LRRC7: variants seen among roughly 807,000 people sequenced by gnomAD.
The protein encoded by LRRC7 is leucine rich repeat containing 7, also known as leucine-rich repeat-containing protein 7.
In LRRC7, 23 loss-of-function variants were observed where a neutral mutation model predicts 175.7. That is an observed-to-expected ratio of 0.13 (90% CI 0.09 to 0.19). The LOEUF is 0.19. Ranked by LOEUF, LRRC7 falls within the 10% of genes least tolerant of loss-of-function variation. LRRC7 has a pLI of 1.00. For synonymous variants in LRRC7, 685 were observed against 680.9 expected, an observed-to-expected ratio of 1.01 and a Z score of -0.09; for missense variants, 1,354 against 1,904.7, an observed-to-expected ratio of 0.71 and a Z score of 5.38.
chr1:69,699,499 C>T (rs1358106742), intron 2 of LRRC7, among the ~76,000 whole-genome samples: 3 of 151,514 alleles, frequency 2.0e-5, no homozygotes, highest in African/African-American at 7.3e-5. Context: ...AAGATTGTGC[C>T]ACTGTACTCC....
intron 1 of LRRC7, chr1:69,607,450 A>G (rs1221051415): frequency 6.6e-6 from 1 of 152,034 alleles, no homozygotes; most frequent in East Asian, 1.9e-4. Flanking sequence ...AGTTTTTTTA[A>G]TTTTCATTTT....
At chr1:69,849,342 A>G (rs1253485462) in intron 7 of LRRC7, among the ~76,000 whole-genome samples, 1 of 152,140 alleles carries the variant, frequency 6.6e-6, no homozygotes, top group South Asian at 2.1e-4. Flanking sequence ...TTTTAATTAT[A>G]GTAAAAAGTC....
intron 3 of LRRC7, among the ~76,000 whole-genome samples, chr1:69,762,533 G>A (rs2100948183): frequency 6.6e-6 from 1 of 152,032 alleles, no homozygotes; most frequent in African/African-American, 2.4e-5. Flanking sequence ...AGAGTTGAAG[G>A]GAGCAGAGTT....
intron 1 of LRRC7, among the ~76,000 whole-genome samples, chr1:69,635,836 A>T (rs183421979): frequency 7.9e-5 from 12 of 152,058 alleles, no homozygotes; most frequent in Admixed American, 2.6e-4. Flanking sequence ...ATGTTTTTTT[A>T]AAAAAATAGT....
At chr1:69,953,851 G>T (rs1003324177) in intron 8 of LRRC7, among the ~76,000 whole-genome samples, 2 of 152,020 alleles carry the variant, frequency 1.3e-5, no homozygotes, top group African/African-American at 4.8e-5. Context: ...TTCTGTTTCA[G>T]TGAGTTTGGT....
intron 25 of LRRC7, among the ~76,000 whole-genome samples, chr1:70,093,718 A>G (rs968456015): frequency 1.4e-4 from 21 of 152,292 alleles, no homozygotes; most frequent in African/African-American, 4.8e-4. Flanking sequence ...TACAGAGAAG[A>G]TTGCTAAGCA....
intron 4 of LRRC7, among the ~76,000 whole-genome samples, chr1:69,825,302 C>T (rs1245339539): frequency 6.6e-6 from 1 of 152,172 alleles, no homozygotes; most frequent in African/African-American, 2.4e-5. Flanking sequence ...GTATTTTTCA[C>T]ATGTATAAGT....
At chr1:69,672,195 T>G (rs1344804826) in intron 1 of LRRC7, among the ~76,000 whole-genome samples, 1 of 152,130 alleles carries the variant, frequency 6.6e-6, no homozygotes, top group Non-Finnish European at 1.5e-5. Flanking sequence ...GGTGGGGTGG[T>G]GATGATCGGT....
chr1:69,731,105 T>C (rs1278524634), intron 2 of LRRC7, among the ~76,000 whole-genome samples: 1 of 151,800 alleles, frequency 6.6e-6, no homozygotes, highest in African/African-American at 2.4e-5. Flanking sequence ...ATAGAGACCA[T>C]CTTATGCTAA....
At chr1:69,866,220 TA>T (rs1455834345) in intron 7 of LRRC7, among the ~76,000 whole-genome samples, 2 of 152,164 alleles carry the variant, frequency 1.3e-5, no homozygotes, top group Non-Finnish European at 2.9e-5. Flanking sequence ...AAAACAATAA[TA>T]GATGGTGAAA....
Position 69,792,077 on chromosome 1 carries a change from G to T in LRRC7, c.338G>T (p.Ser113Ile), listed in dbSNP as rs1222862261. 6.2e-7 allele frequency: 1 copy of T among 1,610,192 alleles called. No homozygotes were observed. Among genetic ancestry groups the T allele is most frequent in the East Asian group, 2.2e-5 (1 of 44,696 alleles). Residue 113 changes from serine to isoleucine, a missense_variant, in exon 4 of 27, where the codon AGT (serine) becomes ATT (isoleucine). Physicochemically the swap from Ser to Ile is moderately radical, Grantham distance 142. Transcript: ENST00000651989. ...AACTGTCAAGCTCTACGAAAACTAA[G>T]TATTCCTGATAACGACCTTTCAAAT... ...LFNCQALRKL[S>I]IPDNDLSNLP...
intron 2 of LRRC7, among the ~76,000 whole-genome samples, chr1:69,744,366 T>C (rs1202959454): frequency 6.6e-6 from 1 of 151,860 alleles, no homozygotes; most frequent in African/African-American, 2.4e-5. Context: ...GACGAAATTA[T>C]GTTACTTTTC....
intron 10 of LRRC7, 79 bp downstream of exon 10, chr1:69,986,465 A>T: frequency 4.2e-6 from 5 of 1,189,570 alleles, no homozygotes; most frequent in Non-Finnish European, 5.9e-6. Context: ...TTGTCTATAG[A>T]TATAGGTAAT....
chr1:70,050,472 C>T (rs926409992), intron 22 of LRRC7, among the ~76,000 whole-genome samples: 1 of 151,968 alleles, frequency 6.6e-6, no homozygotes, highest in Non-Finnish European at 1.5e-5. Flanking sequence ...GGAAATAGTG[C>T]ATTGTGATGA....
chr1:70,028,081 G>C, intron 17 of LRRC7, 90 bp from the exon 18 acceptor site: 1 of 1,114,660 alleles, frequency 9.0e-7, no homozygotes. Context: ...TATTGCATTT[G>C]ATTATACTAC....
rs1255245018 is a variant in LRRC7 at position 70,125,241 on chromosome 1, A to G, written c.*3354A>G. Among the ~76,000 whole-genome samples, 3 of 152,356 alleles carry G rather than the reference A, an allele frequency of 2.0e-5. No individual in the cohort carries two copies. In the East Asian group the frequency reaches 5.8e-4, roughly 29 times the overall value. On this transcript the variant is annotated 3_prime_UTR_variant, in exon 27 of 27. Coordinates refer to ENST00000651989, the MANE Select transcript of LRRC7 (RefSeq NM_001370785.2). ...ATTGTAATTATTAGGTTGCTGAAAA[A>G]GTAATTGCGGTTTTTACCATTAAAA...
chr1:69,705,588 T>G (rs1309006032), intron 2 of LRRC7, among the ~76,000 whole-genome samples: 1 of 152,040 alleles, frequency 6.6e-6, no homozygotes, highest in African/African-American at 2.4e-5. Flanking sequence ...AGAGAAGCAT[T>G]TTGGAAGAAA....
intron 4 of LRRC7, among the ~76,000 whole-genome samples, chr1:69,819,834 AG>A (rs1024379351): frequency 2.6e-5 from 4 of 152,070 alleles, no homozygotes; most frequent in African/African-American, 9.7e-5. Flanking sequence ...TTTGACTTAA[AG>A]CCTATTTTGT....
At chr1:69,780,645 C>CAA (rs35619672) in intron 3 of LRRC7, among the ~76,000 whole-genome samples, 116 of 151,738 alleles carry the variant, frequency 7.6e-4, no homozygotes, top group African/African-American at 2.6e-3. Flanking sequence ...TCTTTTCTAA[C>CAA]AAAAAAAATT....
Sources: allele counts gnomAD v4.1 joint callset (sites outside exome capture counted in the v4.1 genomes callset), GRCh38; gene constraint gnomAD v4.1.1; transcripts MANE v1.5; gene names NCBI Gene and HGNC (gene_info 2026-07-23, HGNC 2026-07-21).